Variants in TUSC3 observed in about 807,000 individuals in gnomAD.
TUSC3 encodes the protein tumor suppressor candidate 3.
TUSC3 carries 45 observed loss-of-function variants against 44.8 expected under a neutral mutation model. That is an observed-to-expected ratio of 1.00 (90% CI 0.79 to 1.29). The LOEUF is 1.29. TUSC3 is among the 50% of genes most tolerant of loss of function. The pLI, the probability that TUSC3 is intolerant of heterozygous loss-of-function variation, is 0.00. For synonymous variants in TUSC3, 212 were observed against 152.9 expected (o/e 1.39, Z -2.85); for missense variants, 519 against 437.9 (o/e 1.19, Z -1.65).
intron 9 of TUSC3, among the ~76,000 whole-genome samples, chr8:15,750,228 C>T (rs528141380): frequency 6.6e-6 from 1 of 152,114 alleles, no homozygotes; most frequent in Admixed American, 6.6e-5. Context: ...GTCCACCCAC[C>T]TCGGCCTCCC....
At chr8:15,602,027 A>G (rs576561956) in intron 1 of TUSC3, among the ~76,000 whole-genome samples, 1 of 151,566 alleles carries the variant, frequency 6.6e-6, no homozygotes, top group South Asian at 2.1e-4. Context: ...GTCTACCTGA[A>G]ATCTGACCCT....
chr8:15,526,185 A>G (rs571267970), intron 2 of TUSC3, among the ~76,000 whole-genome samples: 22 of 152,098 alleles, frequency 1.4e-4, no homozygotes, highest in African/African-American at 5.3e-4. Flanking sequence ...GGCGCCCGCC[A>G]TCACGGCCGG....
rs1209440775 is a variant in TUSC3, at chr8:15,646,941, AT to A, written c.309-3755del. Among the ~76,000 whole-genome samples the A allele has an allele frequency of 3.9e-5, 6 of 152,234 alleles. No homozygotes were observed. The East Asian group carries it at 1.2e-3, about 29-fold the overall frequency. ...CTTTTGTTTATCACTGTAACACTAAATAACATCTTTGTGTTTTTTGTTCATT... is the reference window on the plus strand; with the variant it reads ...CTTTTGTTTATCACTGTAACACTAAAAACATCTTTGTGTTTTTTGTTCATT... On this transcript the variant is annotated intron_variant, in intron 2 of 10. Coordinates refer to ENST00000503731, the MANE Select transcript of TUSC3 (RefSeq NM_006765.4).
chr8:15,480,378 T>C (rs541290474), intron 1 of TUSC3, among the ~76,000 whole-genome samples: 49 of 152,314 alleles, frequency 3.2e-4, no homozygotes, highest in African/African-American at 1.2e-3. Context: ...ACATATGCTA[T>C]ACTTGACTTT....
chr8:15,481,575 C>G (rs901608233), intron 1 of TUSC3, among the ~76,000 whole-genome samples: 5 of 152,082 alleles, frequency 3.3e-5, no homozygotes, highest in Non-Finnish European at 7.4e-5. Context: ...TTGTTCCAGA[C>G]CACCGCAATA....
intron 9 of TUSC3, among the ~76,000 whole-genome samples, chr8:15,756,272 T>C (rs1811924449): frequency 6.6e-6 from 1 of 152,150 alleles, no homozygotes; most frequent in Non-Finnish European, 1.5e-5. Context: ...TAGTTACCTC[T>C]CTCTCTATAT....
chr8:15,534,364 C>T (rs187166314), intron 2 of TUSC3, among the ~76,000 whole-genome samples: 2 of 152,122 alleles, frequency 1.3e-5, no homozygotes, highest in Admixed American at 1.3e-4. Context: ...TTTAGCCGGG[C>T]TGGGCGCGGT....
rs1015783885 is a variant in TUSC3 at position 15,494,442 on chromosome 8, G to A, written n.189+10959G>A. 3.3e-5 allele frequency among the ~76,000 whole-genome samples: 5 copies of A among 151,516 alleles called. No individual in the cohort carries two copies. In the South Asian group the frequency reaches 6.3e-4, roughly 19 times the overall value. On this transcript the variant is annotated intron_variant and non_coding_transcript_variant, in intron 2 of 5. Coordinates refer to the TUSC3 transcript ENST00000503191. ...AAGTGATTCTGCTGCCTCAGCCTCC[G>A]GAGTAGCTGGGACTACAGGCGCATG...
rs372797043 is a variant in TUSC3 at position 15,460,514 on chromosome 8, G to C, written n.92-22872G>C. 3.5e-4 allele frequency among the ~76,000 whole-genome samples: 53 copies of C among 152,110 alleles called. 1 individual carries two copies. Among genetic ancestry groups the C allele is most frequent in the Middle Eastern group, 3.4e-3 (1 of 294 alleles). On this transcript the variant is annotated intron_variant and non_coding_transcript_variant, in intron 1 of 5. Transcript: ENST00000503191. ...GTCTACTCTGCTGACTGTTCCTTTT[G>C]CCGTGCAAAACTCTTTAATTATGTC...
intron 6 of TUSC3, among the ~76,000 whole-genome samples, chr8:15,707,222 A>T (rs1007837840): frequency 1.3e-5 from 2 of 152,048 alleles, no homozygotes; most frequent in African/African-American, 4.8e-5. Flanking sequence ...ACAGCTAAAA[A>T]TGCTTATGCC....
At chr8:15,479,575 T>C (rs1462409115) in intron 1 of TUSC3, among the ~76,000 whole-genome samples, 1 of 152,176 alleles carries the variant, frequency 6.6e-6, no homozygotes, top group Non-Finnish European at 1.5e-5. Flanking sequence ...GTAAGGTTTG[T>C]CAAAGATCAG....
intron 1 of TUSC3, among the ~76,000 whole-genome samples, chr8:15,541,232 A>T (rs1315644400): frequency 1.3e-5 from 2 of 152,238 alleles, no homozygotes; most frequent in Non-Finnish European, 1.5e-5. Context: ...TCTGATTTCA[A>T]TCTTAATCCA....
At chr8:15,775,727 CAT>C in the TUSC3 span, among the ~76,000 whole-genome samples, 24 of 133,778 alleles carry the variant, frequency 1.8e-4, no homozygotes, top group Middle Eastern at 7.6e-3. Flanking sequence ...CACACACAAA[CAT>C]ATATAACTAT....
intron 9 of TUSC3, among the ~76,000 whole-genome samples, chr8:15,753,443 A>T (rs969766894): frequency 6.6e-6 from 1 of 152,104 alleles, no homozygotes. Flanking sequence ...TTTATATAGT[A>T]TAACTGTTCC....
intron 1 of TUSC3, among the ~76,000 whole-genome samples, chr8:15,448,091 G>C (rs958552230): frequency 1.0e-4 from 2 of 19,296 alleles, no homozygotes; most frequent in Non-Finnish European, 1.6e-4. Flanking sequence ...AAATTCAACT[G>C]TATGGTAGTG....
chr8:15,511,909 T>C (rs1170167883), intron 2 of TUSC3, among the ~76,000 whole-genome samples: 1 of 151,974 alleles, frequency 6.6e-6, no homozygotes, highest in African/African-American at 2.4e-5. Context: ...CATGGATCAG[T>C]AGACTCAATA....
chr8:15,723,621 A>C (rs1445490971), intron 6 of TUSC3, among the ~76,000 whole-genome samples: 1 of 152,050 alleles, frequency 6.6e-6, no homozygotes, highest in Non-Finnish European at 1.5e-5. Context: ...AGTAAGAACT[A>C]ATGCTGCCTC....
intron 1 of TUSC3, among the ~76,000 whole-genome samples, chr8:15,463,402 A>G (rs1800373169): frequency 6.6e-6 from 1 of 152,160 alleles, no homozygotes; most frequent in Non-Finnish European, 1.5e-5. Flanking sequence ...TGGGAAAATT[A>G]TTATGTTGTG....
intron 1 of TUSC3, among the ~76,000 whole-genome samples, chr8:15,551,199 A>C (rs1802050372): frequency 6.6e-6 from 1 of 151,682 alleles, no homozygotes; most frequent in Non-Finnish European, 1.5e-5. Flanking sequence ...TTATGGAATA[A>C]ATGTGTTTTT....
Sources: gnomAD v4.1 joint callset for allele counts (sites outside exome capture counted in the v4.1 genomes callset) on GRCh38, gnomAD v4.1.1 for gene constraint, MANE v1.5 for transcripts, NCBI Gene and HGNC (gene_info 2026-07-23, HGNC 2026-07-21) for gene names.